CDC20B: variants seen among roughly 807,000 people sequenced by gnomAD.
The protein encoded by CDC20B is cell division cycle 20B, also known as cell division cycle protein 20 homolog B.
Under a neutral mutation model 64.1 loss-of-function variants are expected in CDC20B, and 58 were observed. That is an observed-to-expected ratio of 0.90 (90% confidence interval 0.73 to 1.13). CDC20B has a LOEUF of 1.13. Among genes scored for constraint, CDC20B ranks in the 50% most tolerant of loss-of-function variants. CDC20B has a pLI of 0.00. For missense variants in CDC20B, 597 were observed against 633.0 expected, an observed-to-expected ratio of 0.94 and a Z score of 0.61; for synonymous variants, 243 against 230.6, an observed-to-expected ratio of 1.05 and a Z score of -0.49.
intron 2 of CDC20B, among the ~76,000 whole-genome samples, chr5:55,167,758 G>A (rs1016623927): frequency 2.0e-5 from 3 of 152,200 alleles, no homozygotes; most frequent in Non-Finnish European, 4.4e-5. Context: ...AGCTACATAG[G>A]AGGCTGAGGT....
In CDC20B at chr5:55,119,928, T is replaced by C; in HGVS notation, c.1342-10A>G. The C allele has an allele frequency of 6.4e-7, 1 of 1,570,652 alleles. No homozygotes were observed. The highest frequency in any genetic ancestry group is 8.8e-7 in the Non-Finnish European group (1 of 1,140,486). On this transcript the variant is annotated splice_polypyrimidine_tract_variant and intron_variant, in intron 10 of 11. Coordinates refer to ENST00000381375, the MANE Select transcript of CDC20B (RefSeq NM_001170402.1). The stretch of plus-strand genomic sequence containing the variant: ...AGATTAAGGAACAAATCTGTAATAA[T>C]GATCAAAAATAGAGAATTCTTGCAA...
chr5:55,172,949 CCT>C lies in CDC20B; in HGVS notation c.50_51del (p.Glu17GlyfsTer31). On this transcript the variant is annotated frameshift_variant, in exon 1 of 12. Transcript: ENST00000381375. LOFTEE classifies it high-confidence loss of function. ...RTAPRRVRTE[E>X]EMLWESIMRV... ...AGGGTGTTACTCACCCACAGCATCT[CCT>C]CTTCCGTGCGGACCCTCCGAGGCGC... The C allele has an allele frequency of 1.2e-6, 2 of 1,610,506 alleles. No individual in the cohort carries two copies. The highest frequency in any genetic ancestry group is 2.2e-5 in the South Asian group (2 of 89,874).
At chr5:55,125,828 G>T (rs1325220588) in intron 8 of CDC20B, among the ~76,000 whole-genome samples, 1 of 152,220 alleles carries the variant, frequency 6.6e-6, no homozygotes, top group African/African-American at 2.4e-5. Flanking sequence ...TCTGGAGCCA[G>T]ACCAGCTGGG....
intron 2 of CDC20B, chr5:55,164,275 A>C: frequency 1.1e-5 from 15 of 1,325,946 alleles, no homozygotes; most frequent in South Asian, 2.1e-5. Flanking sequence ...GTTTGGTCTC[A>C]TTTTAAACAT....
chr5:55,120,885 T>C (rs888357862), intron 9 of CDC20B, among the ~76,000 whole-genome samples: 4 of 152,194 alleles, frequency 2.6e-5, no homozygotes, highest in African/African-American at 9.7e-5. Flanking sequence ...GCTGGGATAG[T>C]TCACATGTGC....
In CDC20B at chr5:55,172,622, T is replaced by C. The variant is rs138811807; in HGVS notation, c.92A>G (p.Asp31Gly). The C allele has an allele frequency of 0.013, 20,555 of 1,613,330 alleles. 177 individuals carry two copies. Among genetic ancestry groups the C allele is most frequent in the Middle Eastern group, 0.023 (139 of 6,062 alleles). Residue 31 changes from aspartate (D) to glycine (G), a missense_variant, in exon 2 of 12, where the codon GAC (aspartate) becomes GGC (glycine). Coordinates refer to ENST00000381375, the MANE Select transcript of CDC20B (RefSeq NM_001170402.1). ...WESIMRVLSK[D>G]LKQKRSQDSA... is the part of the protein sequence containing the mutation. ...ATCTTGACTTCTCTTCTGCTTCAAG[T>C]CTTTGGAGAGCACACGCATGATACT... is the stretch of plus-strand genomic sequence containing the variant.
At chr5:55,171,240 G>T (rs1249641705) in intron 2 of CDC20B, among the ~76,000 whole-genome samples, 2 of 152,146 alleles carry the variant, frequency 1.3e-5, no homozygotes, top group South Asian at 4.1e-4. Flanking sequence ...TTGAACCCGG[G>T]AGCTGGAGTT....
chr5:55,164,905 A>C (rs761455533), intron 2 of CDC20B: 20 of 152,322 alleles, frequency 1.3e-4, no homozygotes, highest in Non-Finnish European at 2.4e-4. Flanking sequence ...CATTTGAAAA[A>C]GTCTTCATCA....
At chr5:55,118,394 T>C (rs1181872809) in intron 11 of CDC20B, among the ~76,000 whole-genome samples, 2 of 152,154 alleles carry the variant, frequency 1.3e-5, no homozygotes, top group African/African-American at 4.8e-5. Flanking sequence ...GAAATTCTAA[T>C]ATTAATGAAA....
chr5:55,158,937 T>C (rs1015428180), intron 2 of CDC20B, among the ~76,000 whole-genome samples: 1 of 152,188 alleles, frequency 6.6e-6, no homozygotes, highest in Non-Finnish European at 1.5e-5. Context: ...TTGTTTGTTT[T>C]CAGGGATTTT....
At chr5:55,135,757 T>A (rs1282216669) in intron 5 of CDC20B, 2 of 53,704 alleles carry the variant, frequency 3.7e-5, no homozygotes, top group Non-Finnish European at 7.6e-5. Flanking sequence ...TTTTTTGTGA[T>A]TTTTTTTTTT....
chr5:55,144,121 A>G (rs1197321142), intron 3 of CDC20B, among the ~76,000 whole-genome samples: 1 of 152,174 alleles, frequency 6.6e-6, no homozygotes, highest in Non-Finnish European at 1.5e-5. Context: ...GGAAAACATT[A>G]TGGGATGCTT....
intron 2 of CDC20B, among the ~76,000 whole-genome samples, chr5:55,150,220 A>T (rs954397046): frequency 1.3e-5 from 2 of 152,252 alleles, no homozygotes; most frequent in Non-Finnish European, 2.9e-5. Flanking sequence ...AAAAATGGTA[A>T]CATAGGATAA....
In CDC20B at chr5:55,158,066, CAA is replaced by C. The variant is rs554552933; in HGVS notation, c.127-11212_127-11211del. On this transcript the variant is annotated intron_variant, in intron 2 of 11. Coordinates refer to ENST00000381375, the MANE Select transcript of CDC20B (RefSeq NM_001170402.1). ...CCAAAGACTCTTGTTGCTCTGAAAC[CAA>C]AAAAAGTTTGAGGTCTAAAGGTTCT... Among the ~76,000 whole-genome samples, 423 of 152,070 alleles carry C rather than the reference CAA, an allele frequency of 2.8e-3. 3 individuals are homozygous for C. Among genetic ancestry groups the C allele is most frequent in the African/African-American group, 9.5e-3 (394 of 41,472 alleles).
chr5:55,151,059 T>A (rs778490787), intron 2 of CDC20B, among the ~76,000 whole-genome samples: 16 of 152,170 alleles, frequency 1.1e-4, no homozygotes, highest in Admixed American at 7.2e-4. Context: ...CGAACTTTCA[T>A]TTCCCCACTT....
At chr5:55,160,072 T>A in intron 2 of CDC20B, 1 of 681,126 alleles carries the variant, frequency 1.5e-6, no homozygotes, top group East Asian at 2.6e-5. Flanking sequence ...GTCTTTCTGT[T>A]CCTTAGCAGT....
chr5:55,161,068 C>T (rs765695124), intron 2 of CDC20B: 8 of 1,614,154 alleles, frequency 5.0e-6, no homozygotes, highest in Non-Finnish European at 6.8e-6. Flanking sequence ...AGGAACTGCA[C>T]AAAGAGTTTG....
At chr5:55,152,086 C>T (rs995101789) in intron 2 of CDC20B, among the ~76,000 whole-genome samples, 9 of 152,170 alleles carry the variant, frequency 5.9e-5, no homozygotes, top group Admixed American at 3.3e-4. Flanking sequence ...AGGCAGTGAC[C>T]GGAGTGATAG....
chr5:55,121,492 AATTTTTTTTGGAAAGGAGT>A (rs1479445776), intron 9 of CDC20B, among the ~76,000 whole-genome samples: 4 of 151,936 alleles, frequency 2.6e-5, no homozygotes, highest in Non-Finnish European at 4.4e-5. Flanking sequence ...GGGTTGGGTT[AATTTTTTTTGGAAAGGAGT>A]ATTTTTTTTG....
Sources: allele counts gnomAD v4.1 joint callset (sites outside exome capture counted in the v4.1 genomes callset), GRCh38; gene constraint gnomAD v4.1.1; transcripts MANE v1.5; gene names NCBI Gene and HGNC (gene_info 2026-07-23, HGNC 2026-07-21).